Variants in CDCA7L observed in about 807,000 individuals in gnomAD.
CDCA7L encodes cell division cycle associated 7 like.
Under a neutral mutation model 57.4 loss-of-function variants are expected in CDCA7L, and 44 were observed. The ratio of observed to expected loss-of-function variants is 0.77; its 90% CI spans 0.60 to 0.98. The LOEUF (loss-of-function observed/expected upper bound fraction) is 0.98, where lower values mean the gene tolerates loss of function less well. Ranked by LOEUF, CDCA7L falls within the 50% of genes least tolerant of loss-of-function variation. The pLI is 0.00. For missense variants in CDCA7L, 644 were observed against 580.6 expected, an observed-to-expected ratio of 1.11 and a Z score of -1.12; for synonymous variants, 236 against 202.8, an observed-to-expected ratio of 1.16 and a Z score of -1.39.
intron 1 of CDCA7L, among the ~76,000 whole-genome samples, chr7:21,930,612 C>T (rs892293014): frequency 9.6e-5 from 14 of 145,266 alleles, no homozygotes; most frequent in Non-Finnish European, 1.3e-4. Flanking sequence ...CAAAAAGAAT[C>T]GCTTGAACCT....
chr7:21,944,693 T>C (rs1786457857), intron 1 of CDCA7L: 1 of 152,122 alleles, frequency 6.6e-6, no homozygotes, highest in South Asian at 2.1e-4. Flanking sequence ...TGGCTCAGTC[T>C]TTGCCGCCAG....
intron 4 of CDCA7L, 97 bp downstream of exon 4, chr7:21,908,033 A>G: frequency 7.5e-7 from 1 of 1,338,944 alleles, no homozygotes; most frequent in Non-Finnish European, 1.0e-6. Context: ...AAGCCAAAGC[A>G]ACAGCAGCAG....
chr7:21,905,025 ATTTAAAACTTGACAG>A (rs963848209), intron 7 of CDCA7L, among the ~76,000 whole-genome samples: 57 of 152,288 alleles, frequency 3.7e-4, no homozygotes, highest in African/African-American at 1.3e-3. Flanking sequence ...TGGCAACTAA[ATTTAAAACTTGACAG>A]TGTCCCGTTA....
chr7:21,902,736 G>A (rs1286444833), intron 9 of CDCA7L: 1 of 508,768 alleles, frequency 2.0e-6, no homozygotes, highest in East Asian at 3.3e-5. Flanking sequence ...ACCTCAAGGA[G>A]AAATTTTGGT....
intron 2 of CDCA7L, among the ~76,000 whole-genome samples, chr7:21,912,139 G>C (rs147364800): frequency 6.6e-6 from 1 of 151,952 alleles, no homozygotes; most frequent in African/African-American, 2.4e-5. Context: ...GCATGTACCT[G>C]TAGTCCCAGC....
intron 1 of CDCA7L, among the ~76,000 whole-genome samples, chr7:21,929,683 TA>T (rs1051148041): frequency 1.0e-5 from 1 of 97,226 alleles, no homozygotes; most frequent in Non-Finnish European, 2.1e-5. Flanking sequence ...TAGTCTCTAA[TA>T]AAACAGACTT....
chr7:21,916,938 G>C, intron 1 of CDCA7L, 44 bp from the exon 2 acceptor site: 1 of 1,610,512 alleles, frequency 6.2e-7, no homozygotes, highest in South Asian at 1.1e-5. Flanking sequence ...AGGGGTTCTT[G>C]CTAATCACTT....
In CDCA7L at chr7:21,905,788, T is replaced by A. The variant is rs1429687241; in HGVS notation, c.922-157A>T. ...TTCATTTAGTTATTTACTGAGCTCC[T>A]GCCACCTGCCAAGCTTCCTTCTCAG... On this transcript the variant is annotated intron_variant, in intron 6 of 9. Transcript: ENST00000406877. 3 of 775,188 alleles carry A rather than the reference T, an allele frequency of 3.9e-6. No individual in the cohort carries two copies. The Admixed American group carries it at 9.5e-5, about 24-fold the overall frequency. 48.0% of individuals were successfully genotyped at this position (775,188 alleles called of 1,614,324 possible).
Position 21,902,247 on chromosome 7 carries a change from T to TAGGCACCAAAAA in CDCA7L, c.*74_*75insTTTTTGGTGCCT. The TAGGCACCAAAAA allele has an allele frequency of 4.6e-5, 2 of 43,166 alleles. No individual in the cohort carries two copies. The highest frequency in any genetic ancestry group is 1.6e-4 in the Non-Finnish European group (2 of 12,634). The allele number at this position is 43,166 out of a possible 1,614,324, so 2.7% of individuals were successfully genotyped here. A position where few individuals can be genotyped will look rare whatever the true frequency, so the allele number is the denominator to read the frequency against. ...TAAAAACACAACTGTAAAAAAATCT[T>TAGGCACCAAAAA]TCTTAGGCACCAATGGTATGCATGT... On this transcript the variant is annotated 3_prime_UTR_variant, in exon 10 of 10. Transcript: ENST00000406877.
intron 8 of CDCA7L, 104 bp from the exon 9 acceptor site, chr7:21,903,218 T>TAATCACATGGCATCTTTC: frequency 9.3e-7 from 1 of 1,078,724 alleles, no homozygotes; most frequent in South Asian, 1.6e-5. Flanking sequence ...CTCCAACCTT[T>TAATCACATGGCATCTTTC]AATCACATGG....
rs1562614588 is a variant in CDCA7L at position 21,901,152 on chromosome 7, C to A, written c.*1170G>T. The A allele has an allele frequency of 6.2e-7, 1 of 1,612,924 alleles. No homozygotes were observed. ...CCTACGAGTGCCCTGTGTATAGAAC[C>A]AAACTGAGAGGCCCCAGCTACATCT... On this transcript the variant is annotated 3_prime_UTR_variant, in exon 10 of 10. Coordinates refer to ENST00000406877, the MANE Select transcript of CDCA7L (RefSeq NM_018719.5).
chr7:21,945,433 G>A (rs745767508), intron 1 of CDCA7L, among the ~76,000 whole-genome samples: 1 of 151,804 alleles, frequency 6.6e-6, no homozygotes, highest in Non-Finnish European at 1.5e-5. Flanking sequence ...TGTGGGGAGT[G>A]CACAAAAAAA....
rs560933755 is a variant in CDCA7L at position 21,908,120 on chromosome 7, G to C, written c.681+10C>G. 6.6e-7 allele frequency: 1 copy of C among 1,513,126 alleles called. No individual in the cohort carries two copies. Among genetic ancestry groups the C allele is most frequent in the South Asian group, 1.3e-5 (1 of 74,752 alleles). The allele number at this position is 1,513,126 out of a possible 1,614,324, so 93.7% of individuals were successfully genotyped here. On this transcript the variant is annotated intron_variant, in intron 4 of 9. Transcript: ENST00000406877. ...TGCCAACTCCCAGGACGCCCTCCGT[G>C]AAGCCTCACCATGGCTTTGTTCTCC...
intron 1 of CDCA7L, among the ~76,000 whole-genome samples, chr7:21,943,729 G>GAA (rs774517612): frequency 7.2e-5 from 10 of 138,218 alleles, no homozygotes; most frequent in African/African-American, 2.6e-4. Context: ...TTCAGAAAAG[G>GAA]AAAAAAAAAA....
At chr7:21,922,691 T>G (rs1029417074) in intron 1 of CDCA7L, among the ~76,000 whole-genome samples, 2 of 152,198 alleles carry the variant, frequency 1.3e-5, no homozygotes, top group South Asian at 4.1e-4. Context: ...TTAAGAAGAT[T>G]AAGAAAAACT....
At chr7:21,938,674 A>C (rs900097159) in intron 1 of CDCA7L, among the ~76,000 whole-genome samples, 3 of 152,154 alleles carry the variant, frequency 2.0e-5, no homozygotes, top group Non-Finnish European at 4.4e-5. Context: ...TGAGTAAATA[A>C]AGATGGTATG....
In CDCA7L at chr7:21,925,554, G is replaced by A. The variant is rs58924047; in HGVS notation, c.25-8660C>T. On this transcript the variant is annotated intron_variant, in intron 1 of 9. Transcript: ENST00000406877. ...AAATGTAGCTAAACTCAGGGTGAAG[G>A]CGTATATGAATTACTATTAGCAGTT... 4.9e-4 allele frequency among the ~76,000 whole-genome samples: 75 copies of A among 152,284 alleles called. 1 individual carries two copies. Among genetic ancestry groups the A allele is most frequent in the African/African-American group, 1.8e-3 (75 of 41,554 alleles).
Position 21,938,431 on chromosome 7 carries a change from C to T in CDCA7L, c.24+7350G>A, listed in dbSNP as rs76405420. Among the ~76,000 whole-genome samples the T allele has an allele frequency of 5.0e-3, 756 of 151,982 alleles. 4 individuals are homozygous for T. The highest frequency in any genetic ancestry group is 0.016 in the African/African-American group (656 of 41,420). ...TGGCAAAGACGTGAAGAAATTGGAACACTCGTGCACTGCTTATGATGATAT... is the reference window on the plus strand; with the variant it reads ...TGGCAAAGACGTGAAGAAATTGGAATACTCGTGCACTGCTTATGATGATAT... On this transcript the variant is annotated intron_variant, in intron 1 of 9. Transcript: ENST00000406877.
rs1562614280 is a variant in CDCA7L, at chr7:21,901,048, CGTCTCAAGGAGCTGGCATGCCCTATGCCG to C, written c.*1245_*1273del. ...CCAAGCAGGAACCATTGTTGAAGCC[CGTCTCAAGGAGCTGGCATGCCCTATGCCG>C]GTCATCTTTGCAAAAGCCACCCCCG... is the stretch of plus-strand genomic sequence containing the variant. On this transcript the variant is annotated 3_prime_UTR_variant, in exon 10 of 10. Transcript: ENST00000406877. The C allele has an allele frequency of 1.2e-6, 2 of 1,612,718 alleles. No homozygotes were observed. Among genetic ancestry groups the C allele is most frequent in the South Asian group, 2.2e-5 (2 of 90,818 alleles).
Sources: gnomAD v4.1 joint callset for allele counts (sites outside exome capture counted in the v4.1 genomes callset) on GRCh38, gnomAD v4.1.1 for gene constraint, MANE v1.5 for transcripts, NCBI Gene and HGNC (gene_info 2026-07-23, HGNC 2026-07-21) for gene names.